KCNJ6: variants seen among roughly 807,000 people sequenced by gnomAD.
KCNJ6 encodes the protein potassium inwardly rectifying channel subfamily J member 6.
KCNJ6 carries 9 observed loss-of-function variants against 34.2 expected under a neutral mutation model. The observed-to-expected ratio is 0.26, with a 90% CI of 0.16 to 0.46. The LOEUF is 0.46. KCNJ6 is among the 20% of genes least tolerant of loss of function. The probability of loss-of-function intolerance (pLI) is 1.00; values close to 1 mark genes in which losing one functional copy is unlikely to be tolerated. For synonymous variants in KCNJ6, 196 were observed against 207.1 expected (o/e 0.95, Z 0.46); for missense variants, 236 against 531.3 (o/e 0.44, Z 5.46).
At chr21:37,683,526 G>A (rs2835890) in intron 3 of KCNJ6, among the ~76,000 whole-genome samples, 14,397 of 151,950 alleles carry the variant, frequency 0.095, 1,635 homozygotes, top group African/African-American at 0.27. Context: ...TTTTATTTGC[G>A]CATTGCAGAT....
intron 3 of KCNJ6, among the ~76,000 whole-genome samples, chr21:37,634,311 C>T (rs2054347202): frequency 6.6e-6 from 1 of 152,148 alleles, no homozygotes; most frequent in South Asian, 2.1e-4. Context: ...TCTCTCTCTT[C>T]CTTTCTCTCT....
intron 3 of KCNJ6, among the ~76,000 whole-genome samples, chr21:37,653,363 T>A (rs2054442804): frequency 6.6e-6 from 1 of 152,102 alleles, no homozygotes; most frequent in African/African-American, 2.4e-5. Context: ...AGTTGACACG[T>A]GAACTAGTTG....
chr21:37,753,082 G>C (rs1402543615), intron 2 of KCNJ6, among the ~76,000 whole-genome samples: 14 of 152,230 alleles, frequency 9.2e-5, no homozygotes, highest in African/African-American at 2.9e-4. Flanking sequence ...TGAGTGCTGA[G>C]GGTGGGCGAG....
intron 2 of KCNJ6, among the ~76,000 whole-genome samples, chr21:37,804,267 C>T (rs924304271): frequency 1.3e-5 from 2 of 152,144 alleles, no homozygotes; most frequent in African/African-American, 4.8e-5. Flanking sequence ...CTGTGGAAAA[C>T]AGGTTGGCAG....
chr21:37,883,049 C>T (rs917030605), intron 1 of KCNJ6, among the ~76,000 whole-genome samples: 1 of 152,168 alleles, frequency 6.6e-6, no homozygotes, highest in Non-Finnish European at 1.5e-5. Flanking sequence ...TGTGTATTCA[C>T]GCGCTTTTAC....
At chr21:37,870,587 A>ATTTTTTTTTTTT (rs201091934) in intron 1 of KCNJ6, among the ~76,000 whole-genome samples, 3 of 147,992 alleles carry the variant, frequency 2.0e-5, no homozygotes, top group Non-Finnish European at 3.0e-5. Flanking sequence ...AACAATTCAA[A>ATTTTTTTTTTTT]ATTTTGTTTT....
chr21:37,701,539 G>A (rs946802153), intron 3 of KCNJ6, among the ~76,000 whole-genome samples: 3 of 152,170 alleles, frequency 2.0e-5, no homozygotes, highest in Non-Finnish European at 4.4e-5. Flanking sequence ...TCCAGGGCCC[G>A]CTGTGGTCCA....
intron 3 of KCNJ6, among the ~76,000 whole-genome samples, chr21:37,660,766 G>A (rs181815533): frequency 3.9e-5 from 6 of 152,326 alleles, no homozygotes; most frequent in Non-Finnish European, 5.9e-5. Context: ...CGCTTACTGC[G>A]GGCCAGGCAC....
At chr21:37,887,671 C>T (rs1445096374) in intron 1 of KCNJ6, among the ~76,000 whole-genome samples, 1 of 152,070 alleles carries the variant, frequency 6.6e-6, no homozygotes, top group Admixed American at 6.5e-5. Context: ...GATGAGATGA[C>T]CTTCAAGAAG....
At chr21:37,640,573 T>C (rs1412498600) in intron 3 of KCNJ6, among the ~76,000 whole-genome samples, 1 of 152,266 alleles carries the variant, frequency 6.6e-6, no homozygotes, top group African/African-American at 2.4e-5. Context: ...TTACATCATA[T>C]GTTTTGTTGT....
At chr21:37,757,707 C>T (rs182883007) in intron 2 of KCNJ6, among the ~76,000 whole-genome samples, 289 of 151,940 alleles carry the variant, frequency 1.9e-3, no homozygotes, top group South Asian at 2.9e-3. Flanking sequence ...TGGTTCCAGC[C>T]CGGAGTGAGC....
At chr21:37,863,755 G>A (rs1471924365) in intron 1 of KCNJ6, among the ~76,000 whole-genome samples, 1 of 150,452 alleles carries the variant, frequency 6.6e-6, no homozygotes. Flanking sequence ...TATGTGCACT[G>A]CTGTAACTCT....
intron 1 of KCNJ6, among the ~76,000 whole-genome samples, chr21:37,855,151 G>C (rs956140382): frequency 6.6e-6 from 1 of 152,162 alleles, no homozygotes. Flanking sequence ...CAATGGAATC[G>C]AACTTTTAAA....
chr21:37,912,235 T>G (rs1240770124), intron 1 of KCNJ6, among the ~76,000 whole-genome samples: 1 of 152,140 alleles, frequency 6.6e-6, no homozygotes, highest in African/African-American at 2.4e-5. Flanking sequence ...TTACTTGAAA[T>G]GAGTAAACCA....
At chr21:37,726,459 A>C (rs1447329553) in intron 2 of KCNJ6, among the ~76,000 whole-genome samples, 1 of 152,162 alleles carries the variant, frequency 6.6e-6, no homozygotes, top group East Asian at 1.9e-4. Context: ...CACAGCACTT[A>C]TTTATTGAAT....
intron 1 of KCNJ6, among the ~76,000 whole-genome samples, chr21:37,855,358 C>T (rs538940474): frequency 6.6e-6 from 1 of 152,238 alleles, no homozygotes; most frequent in South Asian, 2.1e-4. Context: ...ACTCTCCATT[C>T]TCTTTAGCTT....
chr21:37,845,290 C>T (rs2055500977), intron 1 of KCNJ6, among the ~76,000 whole-genome samples: 1 of 152,148 alleles, frequency 6.6e-6, no homozygotes, highest in Admixed American at 6.5e-5. Context: ...ATCAGAAAAG[C>T]AGGAATCATA....
rs973570979 is a variant in KCNJ6, at chr21:37,622,006, G to A, written c.*3153C>T. 1 of 152,196 alleles carries A rather than the reference G, an allele frequency of 6.6e-6. No homozygotes were observed. The highest frequency in any genetic ancestry group is 2.4e-5 in the African/African-American group (1 of 41,464). 9.4% of individuals were successfully genotyped at this position (152,196 alleles called of 1,614,324 possible). ...GGGTGGGTGGAGGTGAGAATCCGAG[G>A]AACTCAGCAGCCTTGTGGTGGGGGG... On this transcript the variant is annotated 3_prime_UTR_variant, in exon 4 of 4. Transcript: ENST00000609713.
chr21:37,889,176 C>T (rs2055749873), intron 1 of KCNJ6, among the ~76,000 whole-genome samples: 1 of 152,208 alleles, frequency 6.6e-6, no homozygotes. Context: ...TGTTCTGCTA[C>T]TCCCTAGATA....
Sources: gnomAD v4.1 joint callset for allele counts (sites outside exome capture counted in the v4.1 genomes callset) on GRCh38, gnomAD v4.1.1 for gene constraint, MANE v1.5 for transcripts, NCBI Gene and HGNC (gene_info 2026-07-23, HGNC 2026-07-21) for gene names.